The following MAP4K5 variants were observed in gnomAD, a reference collection of about 807,000 sequenced individuals.
The protein encoded by MAP4K5 is mitogen-activated protein kinase kinase kinase kinase 5.
In MAP4K5, 82 loss-of-function variants were observed where a neutral mutation model predicts 135.6. That is an observed-to-expected ratio of 0.60 (90% CI 0.51 to 0.73). MAP4K5 has a LOEUF of 0.73. MAP4K5 is among the 30% of genes least tolerant of loss of function. The pLI is 0.00. For synonymous variants in MAP4K5, 347 were observed against 335.0 expected (o/e 1.04, Z -0.39); for missense variants, 907 against 1,010.9 (o/e 0.90, Z 1.39).
chr14:50,482,393 G>T lies in MAP4K5; in HGVS notation c.346C>A (p.Gln116Lys). The T allele has an allele frequency of 6.5e-7, 1 of 1,532,728 alleles. No individual in the cohort carries two copies. Among genetic ancestry groups the T allele is most frequent in the Non-Finnish European group, 8.8e-7 (1 of 1,141,350 alleles). 94.9% of individuals were successfully genotyped at this position (1,532,728 alleles called of 1,614,324 possible). ...GTTTCTCTGCATACATAGGCTATTT[G>T]CAATTCTGATAATGGTCCAGTAACT... ...YHVTGPLSEL[Q>K]IAYVCRETLQ... Residue 116 changes from glutamine (Q) to lysine (K), a missense_variant, in exon 6 of 33, where the codon CAA becomes AAA. Coordinates refer to ENST00000682126, the MANE Select transcript of MAP4K5 (RefSeq NM_006575.6).
intron 32 of MAP4K5, among the ~76,000 whole-genome samples, chr14:50,420,885 G>C (rs1013183221): frequency 1.3e-5 from 2 of 150,198 alleles, no homozygotes; most frequent in Non-Finnish European, 3.0e-5. Context: ...AGGACTGATA[G>C]GAAAAAAAAA....
intron 1 of MAP4K5, among the ~76,000 whole-genome samples, chr14:50,554,450 C>A (rs1170311049): frequency 6.6e-6 from 1 of 152,170 alleles, no homozygotes; most frequent in Non-Finnish European, 1.5e-5. Flanking sequence ...CAAGGACTTT[C>A]ATGCAAGATT....
chr14:50,514,634 CAGGAG>C (rs2037995726), intron 2 of MAP4K5, among the ~76,000 whole-genome samples: 1 of 152,048 alleles, frequency 6.6e-6, no homozygotes, highest in Non-Finnish European at 1.5e-5. Context: ...AAAAAGCTTC[CAGGAG>C]AAAGTAAATT....
At chr14:50,559,948 T>G in intron 1 of MAP4K5, 1 of 442,502 alleles carries the variant, frequency 2.3e-6, no homozygotes, top group East Asian at 4.1e-5. Context: ...GTGCTGTTTA[T>G]TTGTTTGTGT....
chr14:50,495,939 T>A (rs1162439416), intron 3 of MAP4K5, among the ~76,000 whole-genome samples: 2 of 152,342 alleles, frequency 1.3e-5, no homozygotes, highest in East Asian at 3.9e-4. Context: ...GTTTAATGAA[T>A]ATAGAGTTTT....
intron 3 of MAP4K5, 56 bp downstream of exon 3, chr14:50,504,744 C>T: frequency 8.0e-7 from 1 of 1,246,960 alleles, no homozygotes; most frequent in East Asian, 2.6e-5. Context: ...AGAAGGGAAA[C>T]AAGGAAAGAA....
At chr14:50,510,761 T>G in intron 2 of MAP4K5, among the ~76,000 whole-genome samples, 1 of 152,182 alleles carries the variant, frequency 6.6e-6, no homozygotes, top group East Asian at 1.9e-4. Flanking sequence ...AAGATGACAG[T>G]CCCTCTCCAT....
chr14:50,538,943 C>T (rs2038527385), intron 2 of MAP4K5, among the ~76,000 whole-genome samples: 1 of 152,206 alleles, frequency 6.6e-6, no homozygotes, highest in Admixed American at 6.5e-5. Context: ...CCTCAGCCTC[C>T]CAAGTAGCTG....
chr14:50,476,033 T>A, intron 8 of MAP4K5, 95 bp downstream of exon 8: 1 of 642,440 alleles, frequency 1.6e-6, no homozygotes, highest in Non-Finnish European at 2.6e-6. Flanking sequence ...AAATGAAATC[T>A]GCATAATGTT....
At chr14:50,483,180 G>T (rs2037289622) in intron 5 of MAP4K5, 1 of 152,152 alleles carries the variant, frequency 6.6e-6, no homozygotes, top group Non-Finnish European at 1.5e-5. Context: ...TATTTCTTTA[G>T]TATAATTCTT....
At position 50,420,079 on chromosome 14, in the gene MAP4K5, T is replaced by G. The variant is rs781626057; in HGVS notation, c.2481A>C (p.Thr827=). ...DRVVVLESRP[T]ENPTAHSNLY... is the part of the protein sequence containing the mutation. ...GATTGCTGTGTGCAGTAGGATTTTC[T>G]GTTGGCCTACTTTCCAAAACGACAA... The change falls in exon 33 of 33, where the codon ACA becomes ACC. Residue 827 remains threonine (T), a synonymous_variant. Transcript: ENST00000682126. The G allele has an allele frequency of 1.1e-5, 18 of 1,610,676 alleles. No individual in the cohort carries two copies. The South Asian group carries it at 1.8e-4, about 16-fold the overall frequency.
intron 21 of MAP4K5, among the ~76,000 whole-genome samples, chr14:50,441,167 G>C (rs2036217302): frequency 6.6e-6 from 1 of 152,192 alleles, no homozygotes; most frequent in African/African-American, 2.4e-5. Flanking sequence ...GCTATCAACA[G>C]ATTGTCAATG....
At chr14:50,536,946 C>A (rs1192217055), upstream of MAP4K5, among the ~76,000 whole-genome samples, 2 of 152,158 alleles carry the variant, frequency 1.3e-5, no homozygotes, top group Middle Eastern at 3.2e-3. Context: ...AAAGAAAATC[C>A]CATTTTCTGA....
chr14:50,518,927 A>G (rs920704815), intron 2 of MAP4K5, among the ~76,000 whole-genome samples: 1 of 152,152 alleles, frequency 6.6e-6, no homozygotes, highest in East Asian at 1.9e-4. Flanking sequence ...TTGGAGAATA[A>G]TTGGTTAAAA....
At chr14:50,556,645 C>A (rs78028778) in intron 1 of MAP4K5, among the ~76,000 whole-genome samples, 5,287 of 152,278 alleles carry the variant, frequency 0.035, 95 homozygotes, top group Middle Eastern at 0.058. Flanking sequence ...TTCTCCCCAA[C>A]CTCCCACTCC....
At chr14:50,559,661 C>A (rs1320641739) in intron 1 of MAP4K5, 1 of 152,074 alleles carries the variant, frequency 6.6e-6, no homozygotes, top group East Asian at 1.9e-4. Flanking sequence ...TTTTGCTATT[C>A]TAATTTTAAG....
At position 50,454,837 on chromosome 14, in the gene MAP4K5, TGTGGGGAAG is replaced by T. The variant is rs573537287; in HGVS notation, c.1015+1670_1015+1678del. Among the ~76,000 whole-genome samples, 45 of 152,130 alleles carry T rather than the reference TGTGGGGAAG, an allele frequency of 3.0e-4. 2 individuals carry two copies. Among genetic ancestry groups the T allele is most frequent in the Admixed American group, 2.4e-3 (36 of 15,264 alleles). On this transcript the variant is annotated intron_variant, in intron 14 of 32. Transcript: ENST00000682126. ...CCACATAAGCTGATTCTTAAGTTTA[TGTGGGGAAG>T]AAGGCACAATAGCCAAATGTCATAA... is the stretch of plus-strand genomic sequence containing the variant.
At chr14:50,426,316 A>C (rs2035846185) in intron 30 of MAP4K5, among the ~76,000 whole-genome samples, 1 of 152,206 alleles carries the variant, frequency 6.6e-6, no homozygotes, top group East Asian at 1.9e-4. Context: ...AAAAACATAT[A>C]TAACTGGGTT....
At chr14:50,473,905 T>C (rs1182328735) in intron 9 of MAP4K5, among the ~76,000 whole-genome samples, 1 of 151,990 alleles carries the variant, frequency 6.6e-6, no homozygotes, top group Non-Finnish European at 1.5e-5. Context: ...TTTGTATTTT[T>C]AGTAGAGACG....
Sources: gnomAD v4.1 joint callset for allele counts (sites outside exome capture counted in the v4.1 genomes callset) on GRCh38, gnomAD v4.1.1 for gene constraint, MANE v1.5 for transcripts, NCBI Gene and HGNC (gene_info 2026-07-23, HGNC 2026-07-21) for gene names.